Variants in ANKFN1 observed in about 807,000 individuals in gnomAD.
The protein encoded by ANKFN1 is ankyrin repeat and fibronectin type III domain containing 1, also known as ankyrin repeat and fibronectin type-III domain-containing protein 1.
ANKFN1 carries 74 observed loss-of-function variants against 108.7 expected under a neutral mutation model. The ratio of observed to expected loss-of-function variants is 0.68; its 90% confidence interval spans 0.56 to 0.83. ANKFN1 has a LOEUF of 0.83. Among genes scored for constraint, ANKFN1 ranks in the 40% least tolerant of loss-of-function variants. The pLI, the probability that ANKFN1 is intolerant of heterozygous loss-of-function variation, is 0.00. For synonymous variants in ANKFN1, 547 were observed against 516.2 expected (o/e 1.06, Z -0.81); for missense variants, 1,505 against 1,382.3 (o/e 1.09, Z -1.41).
intron 4 of ANKFN1, among the ~76,000 whole-genome samples, chr17:56,053,882 C>T (rs888371336): frequency 7.2e-5 from 11 of 152,094 alleles, no homozygotes; most frequent in African/African-American, 2.7e-4. Context: ...AAAATTATTT[C>T]AATCACTTTT....
chr17:56,242,139 G>T (rs570411530), intron 3 of ANKFN1, among the ~76,000 whole-genome samples: 9 of 152,202 alleles, frequency 5.9e-5, no homozygotes, highest in African/African-American at 2.2e-4. Flanking sequence ...TTTCATAGCT[G>T]ATAGGACAAG....
upstream of ANKFN1, among the ~76,000 whole-genome samples, chr17:56,152,429 T>G (rs1908714233): frequency 1.3e-5 from 2 of 152,024 alleles, no homozygotes; most frequent in Admixed American, 1.3e-4. Flanking sequence ...TTTCCTATTG[T>G]ATAGTAGCAG....
chr17:56,152,260 A>ATGTGTGTGTGTG (rs747513318), upstream of ANKFN1, among the ~76,000 whole-genome samples: 550 of 128,616 alleles, frequency 4.3e-3, 1 homozygote, highest in South Asian at 0.011. Context: ...ATATATATAT[A>ATGTGTGTGTGTG]TATGTGTGTG....
At chr17:56,293,242 G>A (rs1018421920) in intron 3 of ANKFN1, among the ~76,000 whole-genome samples, 5 of 152,126 alleles carry the variant, frequency 3.3e-5, no homozygotes, top group African/African-American at 1.2e-4. Flanking sequence ...GATCGTTGCT[G>A]AAGATCTACT....
At chr17:56,444,427 A>AT (rs1264554960) in intron 10 of ANKFN1, among the ~76,000 whole-genome samples, 1 of 151,848 alleles carries the variant, frequency 6.6e-6, no homozygotes, top group Admixed American at 6.6e-5. Flanking sequence ...ATGCCTGTGT[A>AT]TTTTTTTTAT....
chr17:56,185,099 T>G (rs1411021045), intron 1 of ANKFN1: 1 of 152,212 alleles, frequency 6.6e-6, no homozygotes, highest in Non-Finnish European at 1.5e-5. Context: ...TCCACGTAGT[T>G]AACTAGTTCA....
intron 3 of ANKFN1, among the ~76,000 whole-genome samples, chr17:56,295,113 C>A (rs534693762): frequency 2.0e-3 from 311 of 152,234 alleles, no homozygotes; most frequent in Non-Finnish European, 3.5e-3. Flanking sequence ...TTTCCTCTGG[C>A]TTTTATCTGT....
chr17:56,068,953 A>G (rs959431259), intron 4 of ANKFN1, among the ~76,000 whole-genome samples: 1 of 152,214 alleles, frequency 6.6e-6, no homozygotes, highest in Non-Finnish European at 1.5e-5. Context: ...GAATTTCTCA[A>G]TGAATTAGAT....
intron 4 of ANKFN1, among the ~76,000 whole-genome samples, chr17:56,337,922 A>T (rs1227062092): frequency 1.3e-5 from 2 of 152,196 alleles, no homozygotes; most frequent in Non-Finnish European, 2.9e-5. Context: ...TAGAACTAGA[A>T]ATACCATTTG....
chr17:56,088,928 C>T (rs897975089), intron 4 of ANKFN1, among the ~76,000 whole-genome samples: 1 of 151,268 alleles, frequency 6.6e-6, no homozygotes, highest in Admixed American at 6.6e-5. Context: ...TCAATTCTGG[C>T]TTGGTCTAGC....
rs375993526 is a variant in ANKFN1, at chr17:56,155,442, C to G, written c.-71+1912C>G. On this transcript the variant is annotated intron_variant, in intron 1 of 20. Transcript: ENST00000682825. The stretch of plus-strand genomic sequence containing the variant: ...GCCAGCCACGCTCTGTCTCTTCATT[C>G]CAATATAGTCTTTCATTTATTCGAC... Among the ~76,000 whole-genome samples the G allele has an allele frequency of 1.8e-4, 27 of 152,320 alleles. No individual in the cohort carries two copies. In the South Asian group the frequency reaches 3.3e-3, roughly 19 times the overall value.
rs7225163 is a variant in ANKFN1 at position 56,295,485 on chromosome 17, A to T, written c.54-30736A>T. 2.0e-5 allele frequency among the ~76,000 whole-genome samples: 3 copies of T among 152,090 alleles called. No homozygotes were observed. In the East Asian group the frequency reaches 5.8e-4, roughly 30 times the overall value. ...AGACTCTTGAAGCAGATACTCTGGGATGGGGCCCAGCAGTTTTTAACAATC... is the reference window on the plus strand; with the variant it reads ...AGACTCTTGAAGCAGATACTCTGGGTTGGGGCCCAGCAGTTTTTAACAATC... On this transcript the variant is annotated intron_variant, in intron 3 of 20. Coordinates refer to ENST00000682825, the MANE Select transcript of ANKFN1 (RefSeq NM_001370326.1).
chr17:56,260,315 G>A (rs2043475537), intron 3 of ANKFN1, among the ~76,000 whole-genome samples: 1 of 152,152 alleles, frequency 6.6e-6, no homozygotes, highest in African/African-American at 2.4e-5. Context: ...AAATGCACAA[G>A]ATTTTTAAAT....
At chr17:56,308,296 T>G (rs2044902315) in intron 3 of ANKFN1, among the ~76,000 whole-genome samples, 1 of 152,080 alleles carries the variant, frequency 6.6e-6, no homozygotes, top group Non-Finnish European at 1.5e-5. Flanking sequence ...AAAAAAAGAT[T>G]TTAATTTTTT....
chr17:56,101,224 G>C (rs973804349), intron 4 of ANKFN1, among the ~76,000 whole-genome samples: 1 of 152,176 alleles, frequency 6.6e-6, no homozygotes, highest in African/African-American at 2.4e-5. Flanking sequence ...TAATCCACCA[G>C]TGTATGGTAT....
At chr17:56,066,485 T>C (rs1041250631) in intron 4 of ANKFN1, among the ~76,000 whole-genome samples, 2 of 152,242 alleles carry the variant, frequency 1.3e-5, no homozygotes, top group African/African-American at 2.4e-5. Flanking sequence ...TAGATTTGCA[T>C]TGATTGCGTA....
At chr17:56,088,671 T>C (rs1000665272) in intron 4 of ANKFN1, among the ~76,000 whole-genome samples, 2 of 151,266 alleles carry the variant, frequency 1.3e-5, no homozygotes, top group African/African-American at 4.8e-5. Context: ...CCTCCTGTTC[T>C]CCTTTCTCCT....
intron 4 of ANKFN1, among the ~76,000 whole-genome samples, chr17:56,125,760 C>T (rs1906888388): frequency 6.6e-6 from 1 of 152,160 alleles, no homozygotes; most frequent in Non-Finnish European, 1.5e-5. Flanking sequence ...ACTTTGAATA[C>T]TAATGTTCTA....
At chr17:56,101,041 G>A (rs1163975341) in intron 4 of ANKFN1, among the ~76,000 whole-genome samples, 1 of 152,076 alleles carries the variant, frequency 6.6e-6, no homozygotes, top group Admixed American at 6.5e-5. Context: ...AGGAGACATT[G>A]GGATCCACCT....
Sources: gnomAD v4.1 joint callset for allele counts (sites outside exome capture counted in the v4.1 genomes callset) on GRCh38, gnomAD v4.1.1 for gene constraint, MANE v1.5 for transcripts, NCBI Gene and HGNC (gene_info 2026-07-23, HGNC 2026-07-21) for gene names.